Variants in PPP2R2C observed in about 807,000 individuals in gnomAD.
PPP2R2C encodes the protein protein phosphatase 2, regulatory subunit B, gamma.
PPP2R2C carries 10 observed loss-of-function variants against 45.3 expected under a neutral mutation model. The ratio of observed to expected loss-of-function variants is 0.22; its 90% CI spans 0.14 to 0.37. The LOEUF is 0.37. Among genes scored for constraint, PPP2R2C ranks in the 10% least tolerant of loss-of-function variants. The probability of loss-of-function intolerance (pLI) is 1.00; values close to 1 mark genes in which losing one functional copy is unlikely to be tolerated. For synonymous variants in PPP2R2C, 257 were observed against 245.4 expected, an observed-to-expected ratio of 1.05 and a Z score of -0.44; for missense variants, 308 against 619.7, an observed-to-expected ratio of 0.50 and a Z score of 5.34.
At chr4:6,542,400 A>G (rs1415378262) in intron 1 of PPP2R2C, among the ~76,000 whole-genome samples, 2 of 152,224 alleles carry the variant, frequency 1.3e-5, no homozygotes, top group African/African-American at 2.4e-5. Context: ...GATTTAAAAG[A>G]TAACGCGAGA....
At chr4:6,419,716 G>A (rs1718842676) in intron 1 of PPP2R2C, among the ~76,000 whole-genome samples, 1 of 152,168 alleles carries the variant, frequency 6.6e-6, no homozygotes, top group African/African-American at 2.4e-5. Context: ...TAGTTCTGGA[G>A]GCCAGGAATG....
rs1049011374 is a variant in PPP2R2C at position 6,345,544 on chromosome 4, G to A, written c.790+2302C>T. Among the ~76,000 whole-genome samples the A allele has an allele frequency of 6.6e-6, 1 of 152,298 alleles. No homozygotes were observed. Among genetic ancestry groups the A allele is most frequent in the East Asian group, 1.9e-4 (1 of 5,186 alleles). On this transcript the variant is annotated intron_variant, in intron 6 of 8. Transcript: ENST00000382599. This position sits in a 1 kb window ranked among gnomAD's most constrained non-coding sequence, Gnocchi z 5.3. The stretch of plus-strand genomic sequence containing the variant: ...TTTATACGCGAAAGACAGACAGGAG[G>A]GTCAGAGACGTGAGAGAGGCTTGGC...
intron 2 of PPP2R2C, among the ~76,000 whole-genome samples, chr4:6,499,898 T>G (rs940301122): frequency 6.6e-6 from 1 of 151,944 alleles, no homozygotes; most frequent in South Asian, 2.1e-4. Context: ...ACCAAGCCAC[T>G]CTCCTTCCTC....
At chr4:6,389,487 G>GGGGT (rs1027497859) in intron 1 of PPP2R2C, among the ~76,000 whole-genome samples, 3 of 152,192 alleles carry the variant, frequency 2.0e-5, no homozygotes, top group Non-Finnish European at 4.4e-5. Context: ...CGAGGAAGGA[G>GGGGT]GGGTCCGCCT....
rs926174400 is a variant in PPP2R2C at position 6,324,409 on chromosome 4, C to T, written c.1053-816G>A. On this transcript the variant is annotated intron_variant, in intron 8 of 8. Coordinates refer to ENST00000382599, the MANE Select transcript of PPP2R2C (RefSeq NM_020416.4). This position sits in a 1 kb window ranked among gnomAD's most constrained non-coding sequence, Gnocchi z 4.1. ...TCGCGCCACTGCACTCCAGCCTGGG[C>T]AATAAGAGCAAAACTCCGTCTCGAA... is the stretch of plus-strand genomic sequence containing the variant. 6.6e-6 allele frequency among the ~76,000 whole-genome samples: 1 copy of T among 151,204 alleles called. No individual in the cohort carries two copies. Among genetic ancestry groups the T allele is most frequent in the African/African-American group, 2.4e-5 (1 of 41,118 alleles).
chr4:6,399,883 C>T (rs554491208), intron 1 of PPP2R2C, among the ~76,000 whole-genome samples: 1 of 152,304 alleles, frequency 6.6e-6, no homozygotes, highest in East Asian at 1.9e-4. Flanking sequence ...TGATTGAAAC[C>T]ACTGGGGGCA....
At chr4:6,347,793 A>ACCCCCCCCCC in intron 6 of PPP2R2C, 53 bp downstream of exon 6, 1 of 535,902 alleles carries the variant, frequency 1.9e-6, no homozygotes, top group Non-Finnish European at 2.9e-6. Flanking sequence ...AGGACATCCC[A>ACCCCCCCCCC]CCCGCCCGCC....
intron 1 of PPP2R2C, among the ~76,000 whole-genome samples, chr4:6,458,380 G>A (rs545571691): frequency 6.6e-6 from 1 of 152,244 alleles, no homozygotes; most frequent in East Asian, 1.9e-4. Flanking sequence ...GTCCACTGAG[G>A]TCCAACTTCC....
upstream of PPP2R2C, among the ~76,000 whole-genome samples, chr4:6,477,134 G>T (rs1439032444): frequency 6.6e-6 from 1 of 151,972 alleles, no homozygotes; most frequent in Non-Finnish European, 1.5e-5. Context: ...GCATGCTTGT[G>T]GTCCGAGCTA....
At chr4:6,489,616 A>G (rs1722633261) in intron 2 of PPP2R2C, among the ~76,000 whole-genome samples, 1 of 152,138 alleles carries the variant, frequency 6.6e-6, no homozygotes, top group African/African-American at 2.4e-5. Flanking sequence ...TTAATGTGTC[A>G]TATTTATTTT....
At chr4:6,514,438 A>G (rs1423632949) in intron 2 of PPP2R2C, among the ~76,000 whole-genome samples, 1 of 152,188 alleles carries the variant, frequency 6.6e-6, no homozygotes, top group Admixed American at 6.5e-5. Context: ...GTGATCAAAG[A>G]TGTGACCTGG....
intron 1 of PPP2R2C, among the ~76,000 whole-genome samples, chr4:6,462,925 T>G (rs1179101714): frequency 1.3e-5 from 2 of 152,180 alleles, no homozygotes; most frequent in Admixed American, 1.3e-4. Context: ...TTTCTCCTCT[T>G]GTAACAGTTG....
chr4:6,443,817 G>A (rs867180764), intron 1 of PPP2R2C, among the ~76,000 whole-genome samples: 2 of 151,922 alleles, frequency 1.3e-5, no homozygotes, highest in Non-Finnish European at 2.9e-5. Flanking sequence ...TCCAAGGGCT[G>A]CAAACAGATG....
At chr4:6,343,406 A>G (rs772642621) in intron 6 of PPP2R2C, among the ~76,000 whole-genome samples, 4 of 152,260 alleles carry the variant, frequency 2.6e-5, no homozygotes, top group Non-Finnish European at 5.9e-5. Context: ...TAAAATTTGC[A>G]TAAATCAATA....
intron 4 of PPP2R2C, among the ~76,000 whole-genome samples, chr4:6,373,326 G>C (rs192416293): frequency 6.6e-6 from 1 of 152,308 alleles, no homozygotes; most frequent in Admixed American, 6.5e-5. Context: ...TTCCGTGCTC[G>C]GCCCTGGACT....
intron 1 of PPP2R2C, among the ~76,000 whole-genome samples, chr4:6,539,853 C>T (rs1245914027): frequency 6.6e-6 from 1 of 152,152 alleles, no homozygotes. Context: ...GAAACTAGAT[C>T]TCCCCAAGCC....
chr4:6,374,033 T>TGTCTG (rs5855909), intron 4 of PPP2R2C, among the ~76,000 whole-genome samples: 140,929 of 151,838 alleles, frequency 0.93, 65,584 homozygotes, highest in East Asian at 1. Context: ...GGTGTTAGTG[T>TGTCTG]GACTCCTCCA....
At chr4:6,518,923 A>T (rs6817820) in intron 2 of PPP2R2C, among the ~76,000 whole-genome samples, 1,579 of 9,242 alleles carry the variant, frequency 0.17, 176 homozygotes, top group Middle Eastern at 0.42. Flanking sequence ...ACTCTGTCTT[A>T]AAAAAAAAAA....
intron 1 of PPP2R2C, among the ~76,000 whole-genome samples, chr4:6,428,033 G>C (rs531807563): frequency 3.9e-5 from 6 of 152,342 alleles, no homozygotes; most frequent in Admixed American, 2.0e-4. Context: ...GAAAGAACAA[G>C]CTGTGCCCAC....
Sources: allele counts gnomAD v4.1 joint callset (sites outside exome capture counted in the v4.1 genomes callset), GRCh38; gene constraint gnomAD v4.1.1; non-coding constraint Gnocchi (gnomAD v3.1); transcripts MANE v1.5; gene names NCBI Gene and HGNC (gene_info 2026-07-23, HGNC 2026-07-21).